The following CAMKMT variants were observed in gnomAD, a reference collection of about 807,000 sequenced individuals.
CAMKMT encodes CaM KMT.
CAMKMT carries 53 observed loss-of-function variants against 48.0 expected under a neutral mutation model. The ratio of observed to expected loss-of-function variants is 1.10; its 90% CI spans 0.89 to 1.39. The LOEUF is 1.39. CAMKMT is among the 40% of genes most tolerant of loss of function. The pLI, the probability that CAMKMT is intolerant of heterozygous loss-of-function variation, is 0.00. For synonymous variants in CAMKMT, 165 were observed against 152.3 expected (o/e 1.08, Z -0.61); for missense variants, 428 against 402.7 (o/e 1.06, Z -0.54).
intron 3 of CAMKMT, among the ~76,000 whole-genome samples, chr2:44,545,483 A>G (rs1667343931): frequency 6.6e-6 from 1 of 152,190 alleles, no homozygotes; most frequent in Non-Finnish European, 1.5e-5. Context: ...CTTATGGTCT[A>G]TTATTGATCC....
chr2:44,629,637 C>G (rs1672696554), intron 3 of CAMKMT, among the ~76,000 whole-genome samples: 1 of 151,892 alleles, frequency 6.6e-6, no homozygotes, highest in Admixed American at 6.6e-5. Flanking sequence ...AGTGAACTCC[C>G]ATTCACAATT....
chr2:44,599,779 C>G (rs917237544), intron 3 of CAMKMT, among the ~76,000 whole-genome samples: 2 of 149,040 alleles, frequency 1.3e-5, no homozygotes, highest in African/African-American at 2.5e-5. Flanking sequence ...TGGGCTATTT[C>G]TGAGAGGATT....
intron 2 of CAMKMT, among the ~76,000 whole-genome samples, chr2:44,380,072 C>T (rs1350456053): frequency 6.6e-6 from 1 of 151,992 alleles, no homozygotes; most frequent in Non-Finnish European, 1.5e-5. Flanking sequence ...CTAGTTTCAA[C>T]CTCTTGGCAT....
intron 8 of CAMKMT, among the ~76,000 whole-genome samples, chr2:44,747,069 A>G (rs1432635606): frequency 1.3e-5 from 2 of 152,162 alleles, no homozygotes. Flanking sequence ...TGACCGGCCC[A>G]TTGAGCTGGG....
intron 3 of CAMKMT, among the ~76,000 whole-genome samples, chr2:44,508,344 C>T (rs1670365334): frequency 1.3e-5 from 2 of 152,106 alleles, no homozygotes; most frequent in Non-Finnish European, 1.5e-5. Flanking sequence ...GGCATCAGCA[C>T]CTTAGGTTTA....
chr2:44,525,111 T>A (rs554301002), intron 3 of CAMKMT, among the ~76,000 whole-genome samples: 4 of 152,248 alleles, frequency 2.6e-5, no homozygotes, highest in Admixed American at 1.3e-4. Flanking sequence ...ATACTGGAAA[T>A]TTTTCAGGCA....
At chr2:44,471,080 C>G (rs905336479) in intron 3 of CAMKMT, among the ~76,000 whole-genome samples, 1 of 150,344 alleles carries the variant, frequency 6.7e-6, no homozygotes, top group Non-Finnish European at 1.5e-5. Flanking sequence ...CTGCAACCTC[C>G]GCCTTCCGAT....
intron 3 of CAMKMT, among the ~76,000 whole-genome samples, chr2:44,514,896 T>C (rs1261527669): frequency 6.6e-6 from 1 of 152,222 alleles, no homozygotes; most frequent in Non-Finnish European, 1.5e-5. Flanking sequence ...TCATAAATCA[T>C]AGGATATGGC....
At chr2:44,735,646 A>T (rs1025896064) in intron 7 of CAMKMT, among the ~76,000 whole-genome samples, 5 of 152,128 alleles carry the variant, frequency 3.3e-5, no homozygotes. Flanking sequence ...TCATGCCTAT[A>T]ATCCCAGCAC....
At chr2:44,482,628 C>G (rs1196116126) in intron 3 of CAMKMT, among the ~76,000 whole-genome samples, 1 of 152,010 alleles carries the variant, frequency 6.6e-6, no homozygotes, top group African/African-American at 2.4e-5. Context: ...AATGCTGGGA[C>G]CGTTTTCTCT....
chr2:44,697,006 A>C (rs1676993523), intron 3 of CAMKMT, among the ~76,000 whole-genome samples: 1 of 152,174 alleles, frequency 6.6e-6, no homozygotes, highest in Non-Finnish European at 1.5e-5. Flanking sequence ...TAAGAGATGC[A>C]AAGCAAGAAA....
At chr2:44,645,275 A>G (rs1673670446) in intron 3 of CAMKMT, among the ~76,000 whole-genome samples, 2 of 152,232 alleles carry the variant, frequency 1.3e-5, no homozygotes, top group African/African-American at 4.8e-5. Flanking sequence ...ATCACATAAC[A>G]TGGAGAGTTT....
chr2:44,463,131 A>G (rs879804959), intron 3 of CAMKMT, among the ~76,000 whole-genome samples: 3 of 152,226 alleles, frequency 2.0e-5, no homozygotes, highest in Admixed American at 1.3e-4. Context: ...ATGGATACCT[A>G]TGTTAATGTC....
At chr2:44,498,075 T>C (rs987075052) in intron 3 of CAMKMT, among the ~76,000 whole-genome samples, 1 of 152,146 alleles carries the variant, frequency 6.6e-6, no homozygotes, top group Non-Finnish European at 1.5e-5. Flanking sequence ...TTGATGCTTG[T>C]TTCCTTTATA....
intron 3 of CAMKMT, among the ~76,000 whole-genome samples, chr2:44,649,672 T>TC (rs1673948140): frequency 6.6e-6 from 1 of 152,174 alleles, no homozygotes; most frequent in African/African-American, 2.4e-5. Flanking sequence ...CTTCTCTTTT[T>TC]CCCAACATTT....
At chr2:44,471,222 C>G (rs140264860) in intron 3 of CAMKMT, among the ~76,000 whole-genome samples, 3,912 of 152,192 alleles carry the variant, frequency 0.026, 167 homozygotes, top group African/African-American at 0.089. Context: ...AACTCCTGAC[C>G]TCAGGTGGTC....
rs562637252 is a variant in CAMKMT at position 44,463,362 on chromosome 2, A to G, written c.376+73057A>G. Among the ~76,000 whole-genome samples the G allele has an allele frequency of 4.6e-5, 7 of 152,366 alleles. No individual in the cohort carries two copies. The South Asian group carries it at 6.2e-4, about 14-fold the overall frequency. ...CAGGATCAAAGCCATGAATAGTTCT[A>G]TTGAAAGAGATAAGACAAGTAGTTC... On this transcript the variant is annotated intron_variant, in intron 3 of 10. Coordinates refer to ENST00000378494, the MANE Select transcript of CAMKMT (RefSeq NM_024766.5).
chr2:44,768,361 A>ATATTT (rs35058824), intron 10 of CAMKMT, among the ~76,000 whole-genome samples: 50 of 115,726 alleles, frequency 4.3e-4, no homozygotes, highest in South Asian at 1.5e-3. Context: ...ATATATATAT[A>ATATTT]TTTTTTTTTT....
In CAMKMT at chr2:44,666,145, G is replaced by A. The variant is rs1674952621; in HGVS notation, c.377-38138G>A. The stretch of plus-strand genomic sequence containing the variant: ...TTTGATCTTTGGAAAGAGGTTAAGA[G>A]ATTTACATTTATAACTTAAGCATAG... On this transcript the variant is annotated intron_variant, in intron 3 of 10. Coordinates refer to ENST00000378494, the MANE Select transcript of CAMKMT (RefSeq NM_024766.5). Among the ~76,000 whole-genome samples, 3 of 152,142 alleles carry A rather than the reference G, an allele frequency of 2.0e-5. No homozygotes were observed. The South Asian group carries it at 6.2e-4, about 32-fold the overall frequency.
Sources: gnomAD v4.1 joint callset for allele counts (sites outside exome capture counted in the v4.1 genomes callset) on GRCh38, gnomAD v4.1.1 for gene constraint, MANE v1.5 for transcripts, NCBI Gene and HGNC (gene_info 2026-07-23, HGNC 2026-07-21) for gene names.